The following PEX14 variants were observed in gnomAD, a reference collection of about 807,000 sequenced individuals.
The protein encoded by PEX14 is peroxisomal biogenesis factor 14.
PEX14 carries 15 observed loss-of-function variants against 49.5 expected under a neutral mutation model. That is an observed-to-expected ratio of 0.30 (90% CI 0.20 to 0.47). The LOEUF is 0.47. Among genes scored for constraint, PEX14 ranks in the 20% least tolerant of loss-of-function variants. PEX14 has a pLI of 1.00. For synonymous variants in PEX14, 210 were observed against 212.7 expected (o/e 0.99, Z 0.11); for missense variants, 398 against 494.8 (o/e 0.80, Z 1.86).
chr1:10,535,844 G>A, intron 2 of PEX14: 1 of 357,360 alleles, frequency 2.8e-6, no homozygotes, highest in South Asian at 2.2e-5. Flanking sequence ...GGCAGGAAAG[G>A]GAGGCCTTCC....
chr1:10,629,735 C>T lies in PEX14; in HGVS notation c.882C>T (p.Gly294=). The T allele has an allele frequency of 6.3e-7, 1 of 1,597,392 alleles. No individual in the cohort carries two copies. Among genetic ancestry groups the T allele is most frequent in the South Asian group, 1.1e-5 (1 of 89,138 alleles). Residue 294 remains glycine, a synonymous_variant, in exon 9 of 9, where the codon GGC becomes GGT. Transcript: ENST00000356607. This position sits in a 1 kb window ranked among gnomAD's most constrained non-coding sequence, Gnocchi z 8.5. ...CCACGGTCACCTACCACTTGCTGGG[C>T]CCCCAGGAGGAAGGCGAGGGGGTGG... ...EGSTVTYHLL[G]PQEEGEGVVD...
At chr1:10,475,579 G>C (rs1570118842) in intron 1 of PEX14, among the ~76,000 whole-genome samples, 1 of 152,288 alleles carries the variant, frequency 6.6e-6, no homozygotes, top group African/African-American at 2.4e-5. Context: ...CAAGCTTTTG[G>C]CTGAGGACCC....
At chr1:10,496,987 A>G (rs958301947) in intron 2 of PEX14, among the ~76,000 whole-genome samples, 2 of 151,518 alleles carry the variant, frequency 1.3e-5, no homozygotes, top group Admixed American at 6.6e-5. Context: ...ATAATAATTA[A>G]AAAAACCCCC....
intron 4 of PEX14, among the ~76,000 whole-genome samples, chr1:10,610,748 C>T (rs1231952312): frequency 6.6e-6 from 1 of 152,336 alleles, no homozygotes; most frequent in Non-Finnish European, 1.5e-5. Context: ...CCGCCTTGGC[C>T]TCCCAAAGTG....
intron 3 of PEX14, among the ~76,000 whole-genome samples, chr1:10,552,092 CA>C (rs113453657): frequency 2.7e-5 from 4 of 147,758 alleles, no homozygotes; most frequent in African/African-American, 7.5e-5. Flanking sequence ...GACTCTGTCT[CA>C]AAAAAAAAAT....
At chr1:10,577,399 AAAAAAAAAACC>A (rs1640148805) in intron 3 of PEX14, among the ~76,000 whole-genome samples, 2 of 26,200 alleles carry the variant, frequency 7.6e-5, no homozygotes, top group Admixed American at 6.5e-4. Context: ...TCTGTCTCAA[AAAAAAAAAACC>A]AAAAAAAAAA....
At chr1:10,619,211 T>G (rs964741315) in intron 5 of PEX14, among the ~76,000 whole-genome samples, 2 of 151,800 alleles carry the variant, frequency 1.3e-5, no homozygotes, top group Non-Finnish European at 2.9e-5. Flanking sequence ...GAGTCTAGAG[T>G]CTAGAAAATG....
intron 4 of PEX14, among the ~76,000 whole-genome samples, chr1:10,600,141 C>T (rs950516666): frequency 3.9e-5 from 6 of 152,214 alleles, no homozygotes; most frequent in African/African-American, 1.2e-4. Context: ...AGCATTGGGC[C>T]GGGCACGTTG....
At chr1:10,476,606 C>G (rs986087444) in intron 1 of PEX14, among the ~76,000 whole-genome samples, 17 of 152,120 alleles carry the variant, frequency 1.1e-4, no homozygotes, top group Admixed American at 9.8e-4. Flanking sequence ...ATTCTCCTGC[C>G]TCAGCCTCCC....
chr1:10,602,287 A>G (rs1641008261), intron 4 of PEX14, among the ~76,000 whole-genome samples: 1 of 152,148 alleles, frequency 6.6e-6, no homozygotes, highest in African/African-American at 2.4e-5. Context: ...TGGTAATGAT[A>G]ATTTTAAATA....
intron 1 of PEX14, among the ~76,000 whole-genome samples, chr1:10,482,457 A>G (rs1641298554): frequency 1.4e-5 from 2 of 142,946 alleles, no homozygotes; most frequent in South Asian, 2.2e-4. Flanking sequence ...TTTTTTTGAA[A>G]TGGAGTCTCG....
rs568671658 is a variant in PEX14, at chr1:10,494,818, C to T, written c.37-456C>T. On this transcript the variant is annotated intron_variant, in intron 1 of 8. Coordinates refer to ENST00000356607, the MANE Select transcript of PEX14 (RefSeq NM_004565.3). This position sits in a 1 kb window ranked among gnomAD's most constrained non-coding sequence, Gnocchi z 4.3. ...CAGAGAAAATCCTGAGCGTGGGCAGCTGGGGCCCCCTGGTGGTGGAATCTG... is the reference window on the plus strand; with the variant it reads ...CAGAGAAAATCCTGAGCGTGGGCAGTTGGGGCCCCCTGGTGGTGGAATCTG... 6.6e-6 allele frequency among the ~76,000 whole-genome samples: 1 copy of T among 152,352 alleles called. No homozygotes were observed. The highest frequency in any genetic ancestry group is 1.9e-4 in the East Asian group (1 of 5,184).
chr1:10,484,534 T>C (rs1641336188), intron 1 of PEX14, among the ~76,000 whole-genome samples: 1 of 151,840 alleles, frequency 6.6e-6, no homozygotes. Flanking sequence ...CTCAATTTGT[T>C]GATCTGTTCA....
At chr1:10,499,962 A>G (rs1396765827) in intron 2 of PEX14, among the ~76,000 whole-genome samples, 1 of 152,074 alleles carries the variant, frequency 6.6e-6, no homozygotes, top group Non-Finnish European at 1.5e-5. Context: ...GGGGTTCTAC[A>G]TCATGTATTT....
At position 10,624,395 on chromosome 1, in the gene PEX14, G is replaced by A. The variant is rs1557438039; in HGVS notation, c.543G>A (p.Gln181=). Residue 181 remains glutamine, a synonymous_variant, in exon 7 of 9, where the codon CAG becomes CAA. Transcript: ENST00000356607. ...TCCAGGAGCTGCTGATTCAGCAGCA[G>A]CAGAAGATCCAGGAGCTTGCCCACG... ...ASVQELLIQQ[Q]QKIQELAHEL... 6.2e-7 allele frequency: 1 copy of A among 1,613,464 alleles called. No individual in the cohort carries two copies. Among genetic ancestry groups the A allele is most frequent in the Non-Finnish European group, 8.5e-7 (1 of 1,179,772 alleles).
chr1:10,586,215 A>G (rs971342376), intron 3 of PEX14, among the ~76,000 whole-genome samples: 3 of 152,230 alleles, frequency 2.0e-5, no homozygotes, highest in African/African-American at 7.2e-5. Flanking sequence ...AAACAAACAA[A>G]AAGTATTCAG....
chr1:10,560,043 T>C (rs781378747), intron 3 of PEX14, among the ~76,000 whole-genome samples: 6 of 152,058 alleles, frequency 3.9e-5, no homozygotes, highest in Non-Finnish European at 7.4e-5. Context: ...TCTAATCTGA[T>C]TTTTTTCTTC....
intron 2 of PEX14, among the ~76,000 whole-genome samples, chr1:10,517,323 C>G (rs561409443): frequency 1.2e-4 from 19 of 152,090 alleles, no homozygotes; most frequent in African/African-American, 4.3e-4. Flanking sequence ...ACTCCCTCTC[C>G]TATTGGGGGC....
At chr1:10,574,728 C>A (rs1025391692) in intron 3 of PEX14, among the ~76,000 whole-genome samples, 1 of 152,026 alleles carries the variant, frequency 6.6e-6, no homozygotes, top group Non-Finnish European at 1.5e-5. Context: ...CAGTTTTATG[C>A]GTCAACAAGA....
Sources: gnomAD v4.1 joint callset for allele counts (sites outside exome capture counted in the v4.1 genomes callset) on GRCh38, gnomAD v4.1.1 for gene constraint, Gnocchi (gnomAD v3.1) non-coding constraint, MANE v1.5 for transcripts, NCBI Gene and HGNC (gene_info 2026-07-23, HGNC 2026-07-21) for gene names.